HEMK2: variants seen among roughly 807,000 people sequenced by gnomAD.
The protein encoded by HEMK2 is methyltransferase HEMK2.
At chr21:28,609,260 C>T in the HEMK2 span, among the ~76,000 whole-genome samples, 89 of 152,220 alleles carry the variant, frequency 5.8e-4, no homozygotes, top group African/African-American at 1.9e-3. Context: ...CAGCTTGGAG[C>T]ACAGTAGCTC....
At chr21:28,791,517 T>G in the HEMK2 span, among the ~76,000 whole-genome samples, 2 of 152,198 alleles carry the variant, frequency 1.3e-5, no homozygotes, top group African/African-American at 2.4e-5. Flanking sequence ...GTGTTCAATA[T>G]TTCCTCTTCC....
the HEMK2 span, among the ~76,000 whole-genome samples, chr21:28,608,103 T>A: frequency 6.6e-6 from 1 of 152,160 alleles, no homozygotes; most frequent in Non-Finnish European, 1.5e-5. Flanking sequence ...GTAGTCACAC[T>A]GAATTTGAAA....
the HEMK2 span, among the ~76,000 whole-genome samples, chr21:28,656,774 C>G: frequency 4.6e-5 from 7 of 152,080 alleles, no homozygotes; most frequent in African/African-American, 1.7e-4. Context: ...ATAAGCCCAT[C>G]AACCAAAGGC....
the HEMK2 span, among the ~76,000 whole-genome samples, chr21:28,788,035 A>C: frequency 6.6e-6 from 1 of 151,974 alleles, no homozygotes; most frequent in Non-Finnish European, 1.5e-5. Flanking sequence ...AAACTAGACT[A>C]TAAGGCCATA....
the HEMK2 span, among the ~76,000 whole-genome samples, chr21:28,639,419 C>T: frequency 1.1e-4 from 17 of 152,250 alleles, no homozygotes; most frequent in East Asian, 3.9e-4. Flanking sequence ...TGCCAACTAA[C>T]GACCCTACCT....
At chr21:28,682,079 C>T in the HEMK2 span, among the ~76,000 whole-genome samples, 9 of 152,022 alleles carry the variant, frequency 5.9e-5, no homozygotes, top group East Asian at 3.9e-4. Flanking sequence ...AGAGCTTCTG[C>T]ACAGCAAAAG....
the HEMK2 span, among the ~76,000 whole-genome samples, chr21:28,871,323 G>T: frequency 6.6e-6 from 1 of 152,164 alleles, no homozygotes; most frequent in Non-Finnish European, 1.5e-5. Flanking sequence ...AAGGTGAAGA[G>T]GAAGGAGGCA....
At chr21:28,705,063 C>T in the HEMK2 span, among the ~76,000 whole-genome samples, 2 of 152,166 alleles carry the variant, frequency 1.3e-5, no homozygotes, top group Non-Finnish European at 2.9e-5. Context: ...AACAAAATTA[C>T]GTGAGGGTGA....
the HEMK2 span, among the ~76,000 whole-genome samples, chr21:28,598,937 T>C: frequency 6.6e-6 from 1 of 152,280 alleles, no homozygotes; most frequent in African/African-American, 2.4e-5. Context: ...TAGTTACTGA[T>C]AAGGTCAGAA....
At chr21:28,747,559 T>C in the HEMK2 span, among the ~76,000 whole-genome samples, 1 of 152,216 alleles carries the variant, frequency 6.6e-6, no homozygotes, top group Non-Finnish European at 1.5e-5. Flanking sequence ...GAAGTTATCT[T>C]TCAGAGTTCC....
the HEMK2 span, among the ~76,000 whole-genome samples, chr21:28,865,263 T>G: frequency 1.3e-5 from 2 of 152,318 alleles, no homozygotes; most frequent in Non-Finnish European, 1.5e-5. Context: ...CCTCCTGGGT[T>G]CAAGTGATTC....
At chr21:28,732,434 G>T in the HEMK2 span, among the ~76,000 whole-genome samples, 1 of 152,188 alleles carries the variant, frequency 6.6e-6, no homozygotes, top group Non-Finnish European at 1.5e-5. Flanking sequence ...GCATGTGCTG[G>T]CATCAAGGGA....
At chr21:28,630,785 G>T in the HEMK2 span, among the ~76,000 whole-genome samples, 364 of 118,410 alleles carry the variant, frequency 3.1e-3, 5 homozygotes, top group Admixed American at 5.1e-3. Flanking sequence ...GTCGTGGGGT[G>T]GGGGGAGGGG....
chr21:28,722,735 T>A, the HEMK2 span, among the ~76,000 whole-genome samples: 6 of 152,014 alleles, frequency 3.9e-5, no homozygotes, highest in Admixed American at 2.0e-4. Flanking sequence ...TACAAAAAAA[T>A]TAGCCGGGCA....
At chr21:28,854,417 C>G in the HEMK2 span, among the ~76,000 whole-genome samples, 1 of 146,788 alleles carries the variant, frequency 6.8e-6, no homozygotes, top group African/African-American at 2.5e-5. Context: ...TATTTTGTTC[C>G]TCTAGAACCA....
the HEMK2 span, among the ~76,000 whole-genome samples, chr21:28,652,059 T>A: frequency 1.3e-5 from 2 of 152,246 alleles, no homozygotes. Flanking sequence ...TTTTTTCCTA[T>A]GGAGGTAAAG....
At chr21:28,801,864 AG>A in the HEMK2 span, among the ~76,000 whole-genome samples, 3 of 152,240 alleles carry the variant, frequency 2.0e-5, no homozygotes, top group Admixed American at 6.5e-5. Context: ...TAACAAAAAA[AG>A]AATCCAAAAA....
chr21:28,795,873 T>C, the HEMK2 span, among the ~76,000 whole-genome samples: 571 of 152,336 alleles, frequency 3.7e-3, no homozygotes, highest in Non-Finnish European at 6.8e-3. Context: ...AGGCTTGGCC[T>C]GAGTCTGATG....
chr21:28,732,365 T>C, the HEMK2 span, among the ~76,000 whole-genome samples: 2 of 152,278 alleles, frequency 1.3e-5, no homozygotes, highest in East Asian at 3.9e-4. Context: ...GTGCTGAGGG[T>C]AACTGATGAA....
Sources: gnomAD v4.1 joint callset for allele counts (sites outside exome capture counted in the v4.1 genomes callset) on GRCh38, gnomAD v4.1.1 for gene constraint, MANE v1.5 for transcripts, NCBI Gene and HGNC (gene_info 2026-07-23, HGNC 2026-07-21) for gene names.